Variants in CA10 observed in about 807,000 individuals in gnomAD.
CA10 encodes carbonic anhydrase 10 (inactive).
A neutral mutation model predicts 44.2 loss-of-function variants in CA10; 14 were observed. That is an observed-to-expected ratio of 0.32 (90% CI 0.21 to 0.50). The LOEUF (loss-of-function observed/expected upper bound fraction) is 0.50, where lower values mean the gene tolerates loss of function less well. Among genes scored for constraint, CA10 ranks in the 20% least tolerant of loss-of-function variants. CA10 has a pLI of 0.99. For missense variants in CA10, 350 were observed against 409.7 expected (o/e 0.85, Z 1.26); for synonymous variants, 159 against 141.6 (o/e 1.12, Z -0.87).
chr17:51,698,070 C>T (rs184031212), intron 4 of CA10, among the ~76,000 whole-genome samples: 1 of 152,306 alleles, frequency 6.6e-6, no homozygotes, highest in Non-Finnish European at 1.5e-5. Context: ...CCTCTCTGTC[C>T]AGCAGCTGCT....
chr17:51,917,461 T>C (rs1428242127), intron 3 of CA10, among the ~76,000 whole-genome samples: 1 of 136,472 alleles, frequency 7.3e-6, no homozygotes, highest in Non-Finnish European at 1.7e-5. Context: ...CTTGCATTGT[T>C]ATACAGAAAT....
At chr17:51,973,897 A>G (rs1203239157) in intron 2 of CA10, among the ~76,000 whole-genome samples, 9 of 152,188 alleles carry the variant, frequency 5.9e-5, no homozygotes, top group Non-Finnish European at 1.3e-4. Flanking sequence ...ATGTCAACAG[A>G]TGTGGATAAG....
At chr17:51,772,521 C>T (rs1905649788) in intron 3 of CA10, among the ~76,000 whole-genome samples, 1 of 152,016 alleles carries the variant, frequency 6.6e-6, no homozygotes, top group African/African-American at 2.4e-5. Context: ...AAAATATTGA[C>T]TAAATCCTGG....
chr17:51,992,795 T>C (rs966210815), intron 2 of CA10, among the ~76,000 whole-genome samples: 1 of 152,042 alleles, frequency 6.6e-6, no homozygotes, highest in Non-Finnish European at 1.5e-5. Context: ...TAAAAGATAA[T>C]GGATAGATGA....
chr17:52,031,284 A>G (rs998627066), intron 2 of CA10, among the ~76,000 whole-genome samples: 1 of 151,608 alleles, frequency 6.6e-6, no homozygotes, highest in Non-Finnish European at 1.5e-5. Flanking sequence ...CAAGTAGCTG[A>G]GACTACAGGC....
intron 4 of CA10, among the ~76,000 whole-genome samples, chr17:51,677,908 A>G (rs1914690111): frequency 6.7e-6 from 1 of 149,274 alleles, no homozygotes; most frequent in African/African-American, 2.5e-5. Flanking sequence ...CCGGCTGCCA[A>G]TTGAAAATAG....
rs56369087 is a variant in CA10 at position 52,062,065 on chromosome 17, C to CTTT, written c.136+10251_136+10253dup. Among the ~76,000 whole-genome samples, 284 of 115,760 alleles carry CTTT rather than the reference C, an allele frequency of 2.5e-3. 10 individuals carry two copies. The highest frequency in any genetic ancestry group is 0.018 in the South Asian group (61 of 3,442). The allele number at this position is 115,760 out of a possible 152,430, so 75.9% of individuals were successfully genotyped here. A position where few individuals can be genotyped will look rare whatever the true frequency, so the allele number is the denominator to read the frequency against. ...AAGCTTTCAAGAAGTGGTGTGGCCA[C>CTTT]TTTTTTTTTTTTTTTTTTTTGAGAT... is the stretch of plus-strand genomic sequence containing the variant. On this transcript the variant is annotated intron_variant, in intron 2 of 8. Coordinates refer to ENST00000451037, the MANE Select transcript of CA10 (RefSeq NM_020178.5).
intron 1 of CA10, chr17:52,134,772 AG>A: frequency 2.1e-6 from 1 of 472,944 alleles, no homozygotes; most frequent in Middle Eastern, 3.6e-4. Flanking sequence ...AGCAGAGCTC[AG>A]GTTATGCATG....
chr17:51,639,617 A>G (rs1173648736), intron 6 of CA10, among the ~76,000 whole-genome samples: 1 of 152,184 alleles, frequency 6.6e-6, no homozygotes, highest in Non-Finnish European at 1.5e-5. Context: ...TCATCAGAGG[A>G]CATAGGCAGC....
intron 6 of CA10, 118 bp from the exon 7 acceptor site, chr17:51,636,127 G>A (rs777850621): frequency 6.3e-5 from 32 of 511,742 alleles, no homozygotes; most frequent in Middle Eastern, 1.1e-3. Flanking sequence ...TACACACACA[G>A]ATATATATGT....
At chr17:52,065,894 G>T (rs1388196082) in intron 2 of CA10, among the ~76,000 whole-genome samples, 1 of 152,168 alleles carries the variant, frequency 6.6e-6, no homozygotes, top group Non-Finnish European at 1.5e-5. Flanking sequence ...GGACATAATT[G>T]AATCATGTGG....
chr17:52,070,523 C>G (rs1987653166), intron 2 of CA10: 1 of 152,138 alleles, frequency 6.6e-6, no homozygotes, highest in South Asian at 2.1e-4. Flanking sequence ...TGCTGACAGT[C>G]CTACCAACAA....
Position 51,776,915 on chromosome 17 carries a change from A to G in CA10, c.280-29097T>C, listed in dbSNP as rs201073279. Reference sequence around the variant, plus strand: ...GGCCAAGAACCGTTCCTGGCACTCCAGGCCTGCCTGCGATTGGGCAGAGCA... The same window carrying G: ...GGCCAAGAACCGTTCCTGGCACTCCGGGCCTGCCTGCGATTGGGCAGAGCA... On this transcript the variant is annotated intron_variant, in intron 3 of 8. Transcript: ENST00000451037. Among the ~76,000 whole-genome samples, 24 of 152,316 alleles carry G rather than the reference A, an allele frequency of 1.6e-4. No individual in the cohort carries two copies. The East Asian group carries it at 3.9e-3, about 25-fold the overall frequency.
At chr17:51,742,490 T>C (rs150300527) in intron 4 of CA10, among the ~76,000 whole-genome samples, 1 of 152,320 alleles carries the variant, frequency 6.6e-6, no homozygotes, top group African/African-American at 2.4e-5. Context: ...TGTTAGTTGC[T>C]TATTCCTACA....
Position 51,667,998 on chromosome 17 carries a change from T to C in CA10, c.466-14262A>G, listed in dbSNP as rs112361481. On this transcript the variant is annotated intron_variant, in intron 4 of 8. Transcript: ENST00000451037. ...CGGTCCCAATCTCTCTGGGGCAGAT[T>C]CCATTTTTCATTCTTTCCTCCCTAT... Among the ~76,000 whole-genome samples, 460 of 152,316 alleles carry C rather than the reference T, an allele frequency of 3.0e-3. 2 individuals carry two copies. Among genetic ancestry groups the C allele is most frequent in the African/African-American group, 0.011 (439 of 41,548 alleles).
At chr17:52,151,542 A>G (rs1989703226) in intron 1 of CA10, among the ~76,000 whole-genome samples, 1 of 152,144 alleles carries the variant, frequency 6.6e-6, no homozygotes, top group African/African-American at 2.4e-5. Context: ...TTAAATACTA[A>G]GGACCAAATA....
chr17:51,734,096 T>G (rs1567821299), intron 4 of CA10, among the ~76,000 whole-genome samples: 1 of 150,814 alleles, frequency 6.6e-6, no homozygotes, highest in Admixed American at 6.6e-5. Context: ...GCTTTACTTT[T>G]TCATCAAATG....
At chr17:52,003,345 C>G (rs1985492334) in intron 2 of CA10, among the ~76,000 whole-genome samples, 1 of 151,876 alleles carries the variant, frequency 6.6e-6, no homozygotes, top group South Asian at 2.1e-4. Flanking sequence ...CCTGTGGGTT[C>G]CCATAATACC....
At chr17:51,788,002 G>T (rs1305842919) in intron 3 of CA10, among the ~76,000 whole-genome samples, 1 of 151,666 alleles carries the variant, frequency 6.6e-6, no homozygotes, top group Admixed American at 6.6e-5. Context: ...CTAATTTTAG[G>T]GTTGGTTTGC....
Sources: gnomAD v4.1 joint callset for allele counts (sites outside exome capture counted in the v4.1 genomes callset) on GRCh38, gnomAD v4.1.1 for gene constraint, MANE v1.5 for transcripts, NCBI Gene and HGNC (gene_info 2026-07-23, HGNC 2026-07-21) for gene names.